Variants in DKK2 observed in about 807,000 individuals in gnomAD.
The protein encoded by DKK2 is dickkopf Wnt signaling pathway inhibitor 2.
A neutral mutation model predicts 28.1 loss-of-function variants in DKK2; 11 were observed. The observed-to-expected ratio is 0.39, with a 90% CI of 0.25 to 0.65. The LOEUF (loss-of-function observed/expected upper bound fraction) is 0.65. Ranked by LOEUF, DKK2 falls within the 30% of genes least tolerant of loss-of-function variation. DKK2 has a pLI of 0.47. For synonymous variants in DKK2, 135 were observed against 126.5 expected (o/e 1.07, Z -0.45); for missense variants, 326 against 335.5 (o/e 0.97, Z 0.22).
At chr4:106,987,298 A>T (rs1380582680) in intron 1 of DKK2, among the ~76,000 whole-genome samples, 1 of 152,200 alleles carries the variant, frequency 6.6e-6, no homozygotes, top group Non-Finnish European at 1.5e-5. Context: ...ATTTTCAAGA[A>T]TTATCTTTAT....
chr4:107,033,904 G>A (rs1723918171), intron 1 of DKK2, among the ~76,000 whole-genome samples: 2 of 152,124 alleles, frequency 1.3e-5, no homozygotes, highest in Admixed American at 6.5e-5. Flanking sequence ...TCACATAAGC[G>A]CGTAGGCATG....
At chr4:106,988,757 A>G (rs1723162009) in intron 1 of DKK2, among the ~76,000 whole-genome samples, 1 of 152,236 alleles carries the variant, frequency 6.6e-6, no homozygotes, top group Non-Finnish European at 1.5e-5. Flanking sequence ...AATTATTTCT[A>G]GACTGAAAGT....
chr4:107,028,032 G>A (rs774483359), intron 1 of DKK2, among the ~76,000 whole-genome samples: 9 of 152,138 alleles, frequency 5.9e-5, no homozygotes, highest in Admixed American at 2.0e-4. Context: ...GATTACAGGC[G>A]TGAGCCACCG....
At chr4:106,994,147 T>C (rs1723240391) in intron 1 of DKK2, among the ~76,000 whole-genome samples, 1 of 152,206 alleles carries the variant, frequency 6.6e-6, no homozygotes, top group Non-Finnish European at 1.5e-5. Flanking sequence ...TCTCCACTAT[T>C]AAGTTCACAT....
In DKK2 at chr4:106,923,518, ATAACAAGT is replaced by A. The variant is rs890152433; in HGVS notation, c.*428_*435del. On this transcript the variant is annotated 3_prime_UTR_variant, in exon 4 of 4. Transcript: ENST00000285311. ...CAATTTTATTTTTAGAACCTATTGT[ATAACAAGT>A]TATTCTAGGAGTATTTTGTTAAACT... 1 of 157,372 alleles carries A rather than the reference ATAACAAGT, an allele frequency of 6.4e-6. No homozygotes were observed. The highest frequency in any genetic ancestry group is 1.4e-5 in the Non-Finnish European group (1 of 70,946). The allele number at this position is 157,372 out of a possible 1,614,324, so 9.7% of individuals were successfully genotyped here.
At position 106,935,470 on chromosome 4, in the gene DKK2, C is replaced by A. The variant is rs185545183; in HGVS notation, c.223-9521G>T. Among the ~76,000 whole-genome samples, 1,066 of 152,358 alleles carry A rather than the reference C, an allele frequency of 7.0e-3. 8 individuals carry two copies. Among genetic ancestry groups the A allele is most frequent in the Non-Finnish European group, 6.9e-3 (470 of 68,044 alleles). On this transcript the variant is annotated intron_variant, in intron 1 of 3. Coordinates refer to ENST00000285311, the MANE Select transcript of DKK2 (RefSeq NM_014421.3). ...CACCTGGCTCGGAGGGTCCTACACCCACAGAGTCTCACTGATTGCTAGCAC... is the reference window on the plus strand; with the variant it reads ...CACCTGGCTCGGAGGGTCCTACACCAACAGAGTCTCACTGATTGCTAGCAC...
At chr4:106,926,519 A>G (rs953462232) in intron 1 of DKK2, among the ~76,000 whole-genome samples, 7 of 152,180 alleles carry the variant, frequency 4.6e-5, no homozygotes, top group Admixed American at 3.9e-4. Context: ...ATTATTTGGC[A>G]CAAAGACACT....
At chr4:107,017,513 A>G (rs539706572) in intron 1 of DKK2, among the ~76,000 whole-genome samples, 1 of 152,166 alleles carries the variant, frequency 6.6e-6, no homozygotes, top group African/African-American at 2.4e-5. Context: ...CTGTGATACA[A>G]TCTACTTTCC....
intron 1 of DKK2, among the ~76,000 whole-genome samples, chr4:107,000,663 A>AT (rs1396511279): frequency 6.6e-6 from 1 of 152,206 alleles, no homozygotes; most frequent in Non-Finnish European, 1.5e-5. Flanking sequence ...TTTGTAATAT[A>AT]GCATGCCCAT....
chr4:106,961,568 C>CACACACACAA (rs199968801), intron 1 of DKK2, among the ~76,000 whole-genome samples: 1,279 of 111,108 alleles, frequency 0.012, 15 homozygotes, highest in Middle Eastern at 0.019. Flanking sequence ...ACAGCCTGCA[C>CACACACACAA]ACACACACAC....
intron 1 of DKK2, among the ~76,000 whole-genome samples, chr4:106,962,938 A>T (rs936356654): frequency 1.3e-5 from 2 of 152,084 alleles, no homozygotes; most frequent in East Asian, 3.9e-4. Flanking sequence ...AATTGGATTT[A>T]AAAAGAGGCT....
At chr4:106,940,719 A>C (rs2110343496) in intron 1 of DKK2, among the ~76,000 whole-genome samples, 1 of 151,994 alleles carries the variant, frequency 6.6e-6, no homozygotes, top group South Asian at 2.1e-4. Context: ...TAAATGTCCA[A>C]CAATGATAGA....
At position 107,024,624 on chromosome 4, in the gene DKK2, C is replaced by T. The variant is rs547297010; in HGVS notation, c.222+10746G>A. 7.2e-5 allele frequency among the ~76,000 whole-genome samples: 11 copies of T among 152,190 alleles called. No individual in the cohort carries two copies. In the South Asian group the frequency reaches 1.9e-3, roughly 26 times the overall value. ...TGCACTTTATAAATTCAGGGTGGCA[C>T]GGTCTTAAATTTCTTTTTCGTAAAA... On this transcript the variant is annotated intron_variant, in intron 1 of 3. Transcript: ENST00000285311.
intron 1 of DKK2, among the ~76,000 whole-genome samples, chr4:106,939,105 T>C (rs550405537): frequency 6.6e-6 from 1 of 152,348 alleles, no homozygotes; most frequent in Admixed American, 6.5e-5. Flanking sequence ...TTGGACGTTT[T>C]GGCCAGGGCA....
chr4:106,950,039 T>A (rs1037290433), intron 1 of DKK2, among the ~76,000 whole-genome samples: 1 of 152,180 alleles, frequency 6.6e-6, no homozygotes, highest in Non-Finnish European at 1.5e-5. Flanking sequence ...GTAAAACATG[T>A]CTTGCATTGT....
At chr4:106,978,549 A>G (rs1281797663) in intron 1 of DKK2, among the ~76,000 whole-genome samples, 2 of 152,078 alleles carry the variant, frequency 1.3e-5, no homozygotes, top group Non-Finnish European at 2.9e-5. Context: ...GGAAGGGGAA[A>G]ACCACCTACT....
At chr4:106,960,894 A>G (rs536322491) in intron 1 of DKK2, among the ~76,000 whole-genome samples, 1 of 152,110 alleles carries the variant, frequency 6.6e-6, no homozygotes, top group Non-Finnish European at 1.5e-5. Context: ...CTTCCTTTCT[A>G]CTGATTATTT....
At chr4:106,979,999 A>T (rs1399341879) in intron 1 of DKK2, among the ~76,000 whole-genome samples, 1 of 152,232 alleles carries the variant, frequency 6.6e-6, no homozygotes, top group South Asian at 2.1e-4. Context: ...TAAAACTTCT[A>T]AAACATCATT....
chr4:107,025,817 C>T (rs1723770495), intron 1 of DKK2, among the ~76,000 whole-genome samples: 1 of 152,218 alleles, frequency 6.6e-6, no homozygotes, highest in Non-Finnish European at 1.5e-5. Context: ...TTGACCTACA[C>T]AAATTTAGAG....
Sources: gnomAD v4.1 joint callset for allele counts (sites outside exome capture counted in the v4.1 genomes callset) on GRCh38, gnomAD v4.1.1 for gene constraint, MANE v1.5 for transcripts, NCBI Gene and HGNC (gene_info 2026-07-23, HGNC 2026-07-21) for gene names.